Variants in ADAMTS2 observed in about 807,000 individuals in gnomAD.
ADAMTS2 encodes A disintegrin and metalloproteinase with thrombospondin motifs 2.
Under a neutral mutation model 123.0 loss-of-function variants are expected in ADAMTS2, and 50 were observed. The observed-to-expected ratio is 0.41, with a 90% confidence interval of 0.32 to 0.51. The LOEUF (loss-of-function observed/expected upper bound fraction) is 0.51. Ranked by LOEUF, ADAMTS2 falls within the 20% of genes least tolerant of loss-of-function variation. The pLI, the probability that ADAMTS2 is intolerant of heterozygous loss-of-function variation, is 0.35. For synonymous variants in ADAMTS2, 678 were observed against 695.4 expected, an observed-to-expected ratio of 0.98 and a Z score of 0.39; for missense variants, 1,494 against 1,705.2, an observed-to-expected ratio of 0.88 and a Z score of 2.18.
Position 179,238,862 on chromosome 5 carries a change from G to C in ADAMTS2, c.689-31147C>G, listed in dbSNP as rs1765595258. On this transcript the variant is annotated intron_variant, in intron 3 of 21. Transcript: ENST00000251582. ...CAGCAGAAGGCATCAAAGGATCCCTGACCACGGACCGCCCCAGGACCCTTC... is the reference window on the plus strand; with the variant it reads ...CAGCAGAAGGCATCAAAGGATCCCTCACCACGGACCGCCCCAGGACCCTTC... Among the ~76,000 whole-genome samples, 8 of 152,218 alleles carry C rather than the reference G, an allele frequency of 5.3e-5. No homozygotes were observed. The South Asian group carries it at 1.7e-3, about 32-fold the overall frequency.
chr5:179,158,732 C>T lies in ADAMTS2; in HGVS notation c.1123G>A (p.Gly375Ser), dbSNP rs886060494. ...CATGGGTGAGGCTCACCTTGCATGC[C>T]GGAAGGCCCAAAGTCCTGCCGTGTG... ...FLTRQDFGPS[G>S]MQGYAPVTGM... Residue 375 changes from glycine to serine, a missense_variant, in exon 6 of 22, where the codon GGC becomes AGC. By Grantham distance (56) the Gly-to-Ser change is moderately conservative. This residue lies in a region of ADAMTS2 where 47 missense variants were observed against 92.7 expected (regional missense o/e 0.51). Transcript: ENST00000251582. This position sits in a 1 kb window ranked among gnomAD's most constrained non-coding sequence, Gnocchi z 5.0. The T allele has an allele frequency of 6.8e-6, 11 of 1,614,160 alleles. No individual in the cohort carries two copies. Among genetic ancestry groups the T allele is most frequent in the East Asian group, 4.5e-5 (2 of 44,884 alleles).
chr5:179,304,299 C>G (rs527850087), intron 2 of ADAMTS2, among the ~76,000 whole-genome samples: 1 of 152,258 alleles, frequency 6.6e-6, no homozygotes, highest in East Asian at 1.9e-4. Flanking sequence ...GGATACAGTC[C>G]AAAATTACTT....
intron 3 of ADAMTS2, among the ~76,000 whole-genome samples, chr5:179,223,818 TGCACACTCAG>T (rs1356517034): frequency 4.0e-5 from 6 of 151,870 alleles, no homozygotes; most frequent in African/African-American, 2.4e-5. Context: ...ATATGTGACA[TGCACACTCAG>T]GCACACACAT....
rs559728721 is a variant in ADAMTS2, at chr5:179,289,847, C to T, written c.535-16783G>A. On this transcript the variant is annotated intron_variant, in intron 2 of 21. Coordinates refer to ENST00000251582, the MANE Select transcript of ADAMTS2 (RefSeq NM_014244.5). ...AGAAACACGTAAGCTCAAGCCAGTA[C>T]AAGGCACACCAGAAAAACCCATGGG... Among the ~76,000 whole-genome samples, 580 of 152,322 alleles carry T rather than the reference C, an allele frequency of 3.8e-3. 4 individuals are homozygous for T. Among genetic ancestry groups the T allele is most frequent in the Admixed American group, 6.7e-3 (103 of 15,310 alleles).
At chr5:179,153,468 C>G in intron 9 of ADAMTS2, 23 bp downstream of exon 9, 1 of 1,605,020 alleles carries the variant, frequency 6.2e-7, no homozygotes, top group Non-Finnish European at 8.5e-7. Flanking sequence ...GGGAGGGTCC[C>G]GGCTGCAGGG....
rs111877409 is a variant in ADAMTS2 at position 179,228,198 on chromosome 5, T to A, written c.689-20483A>T. ...AGGTGTGGGCGGCCTCCAGGATGAA[T>A]CAGCTGCAGAGCACCGCAGTGGCGC... On this transcript the variant is annotated intron_variant, in intron 3 of 21. Transcript: ENST00000251582. The surrounding 1 kb of genome is among the most constrained non-coding windows in gnomAD (Gnocchi z 5.2). Among the ~76,000 whole-genome samples, 2,256 of 152,164 alleles carry A rather than the reference T, an allele frequency of 0.015. 51 individuals are homozygous for A. The highest frequency in any genetic ancestry group is 0.051 in the African/African-American group (2,119 of 41,496).
intron 2 of ADAMTS2, among the ~76,000 whole-genome samples, chr5:179,286,448 C>G (rs554267965): frequency 1.3e-5 from 2 of 152,094 alleles, no homozygotes; most frequent in Non-Finnish European, 2.9e-5. Context: ...TCTGTCTGCT[C>G]AGGGGGCTGG....
Position 179,345,150 on chromosome 5 carries a change from C to A in ADAMTS2, c.139+40G>T. On this transcript the variant is annotated intron_variant, in intron 1 of 21. Coordinates refer to ENST00000251582, the MANE Select transcript of ADAMTS2 (RefSeq NM_014244.5). The surrounding 1 kb of genome is among the most constrained non-coding windows in gnomAD (Gnocchi z 7.5). ...CGGGGCACGCGGGACAGGGCCAGGC[C>A]GGCGGGGGTCCCGGGGAGTAGGGGC... 1 of 1,076,080 alleles carries A rather than the reference C, an allele frequency of 9.3e-7. No individual in the cohort carries two copies. Among genetic ancestry groups the A allele is most frequent in the Non-Finnish European group, 1.1e-6 (1 of 889,228 alleles). The allele number at this position is 1,076,080 out of a possible 1,614,324, so 66.7% of individuals were successfully genotyped here. A position where few individuals can be genotyped will look rare whatever the true frequency, so the allele number is the denominator to read the frequency against.
At chr5:179,280,301 G>A (rs765600415) in intron 2 of ADAMTS2, among the ~76,000 whole-genome samples, 1 of 152,170 alleles carries the variant, frequency 6.6e-6, no homozygotes, top group Non-Finnish European at 1.5e-5. Context: ...GGGCAGGGTG[G>A]GGGGCGAGGC....
chr5:179,283,152 C>T (rs963235091), intron 2 of ADAMTS2, among the ~76,000 whole-genome samples: 8 of 151,876 alleles, frequency 5.3e-5, no homozygotes, highest in Non-Finnish European at 2.9e-5. Context: ...GTCGAAATAG[C>T]GGAATTGCCC....
intron 9 of ADAMTS2, 37 bp downstream of exon 9, chr5:179,153,454 A>G (rs779564444): frequency 7.5e-6 from 12 of 1,602,546 alleles, no homozygotes; most frequent in East Asian, 2.2e-5. Flanking sequence ...CTCCCCCCAG[A>G]CCTGGGAGGG....
chr5:179,332,603 C>G lies in ADAMTS2; in HGVS notation c.534+11164G>C, dbSNP rs987862875. The stretch of plus-strand genomic sequence containing the variant: ...CTCAGACAGTACCTCAGTCTGTGAC[C>G]CAACCTGCATTGCCCCAGAAGCCCA... On this transcript the variant is annotated intron_variant, in intron 2 of 21. Coordinates refer to ENST00000251582, the MANE Select transcript of ADAMTS2 (RefSeq NM_014244.5). The surrounding 1 kb of genome is among the most constrained non-coding windows in gnomAD (Gnocchi z 4.2). Among the ~76,000 whole-genome samples, 1 of 152,006 alleles carries G rather than the reference C, an allele frequency of 6.6e-6. No homozygotes were observed. Among genetic ancestry groups the G allele is most frequent in the African/African-American group, 2.4e-5 (1 of 41,390 alleles).
chr5:179,139,139 C>T (rs138260305), intron 11 of ADAMTS2, among the ~76,000 whole-genome samples: 263 of 152,226 alleles, frequency 1.7e-3, no homozygotes, highest in African/African-American at 6.1e-3. Flanking sequence ...AGGTGGGAGA[C>T]GGGGGTAACG....
Position 179,130,707 on chromosome 5 carries a change from G to C in ADAMTS2, c.2291-609C>G, listed in dbSNP as rs1001119145. Among the ~76,000 whole-genome samples the C allele has an allele frequency of 1.3e-4, 20 of 150,720 alleles. No individual in the cohort carries two copies. Among genetic ancestry groups the C allele is most frequent in the Admixed American group, 9.9e-4 (15 of 15,096 alleles). ...GGAAGCCCCATGCTCTCTGCAGTGTGGGGGGTGGCTGCTGCGGGGCAGCTG... is the reference window on the plus strand; with the variant it reads ...GGAAGCCCCATGCTCTCTGCAGTGTCGGGGGTGGCTGCTGCGGGGCAGCTG... On this transcript the variant is annotated intron_variant, in intron 15 of 21. Transcript: ENST00000251582. The surrounding 1 kb of genome is among the most constrained non-coding windows in gnomAD (Gnocchi z 4.3).
intron 2 of ADAMTS2, among the ~76,000 whole-genome samples, chr5:179,342,037 G>A (rs1037963207): frequency 5.3e-5 from 8 of 152,214 alleles, no homozygotes; most frequent in East Asian, 1.9e-4. Flanking sequence ...CAGAGTGTCC[G>A]TCAGCCACCC....
Position 179,132,806 on chromosome 5 carries a change from C to G in ADAMTS2, c.2180G>C (p.Gly727Ala), listed in dbSNP as rs1406766524. The G allele has an allele frequency of 6.2e-7, 1 of 1,614,106 alleles. No individual in the cohort carries two copies. The highest frequency in any genetic ancestry group is 2.2e-5 in the East Asian group (1 of 44,872). ...CTTCTTGGGTGACCGTGTGAACGTG[C>G]CCTTGACCACTTTGCAGTGGCTGTT... is the stretch of plus-strand genomic sequence containing the variant. ...GDNSHCKVVKGTFTRSPKKHG... is the reference protein window; with the variant it reads ...GDNSHCKVVKATFTRSPKKHG... Residue 727 changes from glycine to alanine, a missense_variant, in exon 14 of 22, where the codon GGC becomes GCC. Physicochemically the swap from Gly to Ala is moderately conservative, Grantham distance 60. Coordinates refer to ENST00000251582, the MANE Select transcript of ADAMTS2 (RefSeq NM_014244.5). The surrounding 1 kb of genome is among the most constrained non-coding windows in gnomAD (Gnocchi z 6.1).
chr5:179,126,923 T>C (rs12659833), intron 17 of ADAMTS2, among the ~76,000 whole-genome samples: 66,719 of 151,842 alleles, frequency 0.44, 15,235 homozygotes, highest in Non-Finnish European at 0.5. Context: ...GAAAAGCCCT[T>C]AAGGCCGGCG....
In ADAMTS2 at chr5:179,207,678, G is replaced by A. The variant is rs767903981; in HGVS notation, c.726C>T (p.Ala242=). 3 of 1,613,190 alleles carry A rather than the reference G, an allele frequency of 1.9e-6. No individual in the cohort carries two copies. Among genetic ancestry groups the A allele is most frequent in the Non-Finnish European group, 8.5e-7 (1 of 1,180,022 alleles). Residue 242 remains alanine, a synonymous_variant, in exon 4 of 22, where the codon GCC becomes GCT. Transcript: ENST00000251582. ...SLDSLDSLSR[A]LGVLEEHANS... ...TGGCGTGCTCCTCTAGGACGCCCAGGGCGCGGCTGAGGCTGTCCAGGCTGT... is the reference window on the plus strand; with the variant it reads ...TGGCGTGCTCCTCTAGGACGCCCAGAGCGCGGCTGAGGCTGTCCAGGCTGT...
intron 4 of ADAMTS2, among the ~76,000 whole-genome samples, chr5:179,195,903 C>T (rs911599903): frequency 3.3e-5 from 5 of 152,216 alleles, no homozygotes; most frequent in African/African-American, 9.6e-5. Flanking sequence ...ACCCGTGTTT[C>T]GTGTCCAGTT....
Sources: allele counts gnomAD v4.1 joint callset (sites outside exome capture counted in the v4.1 genomes callset), GRCh38; gene constraint gnomAD v4.1.1; regional missense constraint gnomAD v4.1.1; non-coding constraint Gnocchi (gnomAD v3.1); transcripts MANE v1.5; gene names NCBI Gene and HGNC (gene_info 2026-07-23, HGNC 2026-07-21).